The following TTC27 variants were observed in gnomAD, a reference collection of about 807,000 sequenced individuals.
TTC27 encodes the protein tetratricopeptide repeat domain 27.
TTC27 carries 79 observed loss-of-function variants against 115.9 expected under a neutral mutation model. The ratio of observed to expected loss-of-function variants is 0.68; its 90% confidence interval spans 0.57 to 0.82. The LOEUF (loss-of-function observed/expected upper bound fraction) is 0.82. Among genes scored for constraint, TTC27 ranks in the 40% least tolerant of loss-of-function variants. The pLI is 0.00. For synonymous variants in TTC27, 401 were observed against 356.0 expected (o/e 1.13, Z -1.42); for missense variants, 1,054 against 993.1 (o/e 1.06, Z -0.82).
intron 14 of TTC27, among the ~76,000 whole-genome samples, chr2:32,778,643 T>C (rs1670076187): frequency 6.6e-6 from 1 of 152,252 alleles, no homozygotes; most frequent in Non-Finnish European, 1.5e-5. Context: ...TTTTCAAGAT[T>C]CATGCATGGT....
At chr2:32,770,424 T>G (rs1237048051) in intron 13 of TTC27, among the ~76,000 whole-genome samples, 6 of 152,238 alleles carry the variant, frequency 3.9e-5, no homozygotes, top group Admixed American at 3.3e-4. Flanking sequence ...CTTCACAGTT[T>G]TGCCCTCGAG....
chr2:32,725,723 G>A (rs1372827941), intron 10 of TTC27, among the ~76,000 whole-genome samples: 1 of 152,160 alleles, frequency 6.6e-6, no homozygotes, highest in Non-Finnish European at 1.5e-5. Context: ...AGCTCCACTA[G>A]GCAGTGCCTC....
intron 12 of TTC27, among the ~76,000 whole-genome samples, chr2:32,745,054 C>CAAAAAAA (rs57044153): frequency 6.0e-5 from 3 of 49,882 alleles, no homozygotes; most frequent in African/African-American, 8.9e-5. Flanking sequence ...AACTCTGTCT[C>CAAAAAAA]AAAAAAAAAA....
At chr2:32,699,721 A>G (rs960647605) in intron 9 of TTC27, among the ~76,000 whole-genome samples, 5 of 152,194 alleles carry the variant, frequency 3.3e-5, no homozygotes, top group African/African-American at 9.7e-5. Flanking sequence ...TCAAGTCTTT[A>G]TATCTCCCAG....
At chr2:32,648,611 A>AT (rs1042540896) in intron 4 of TTC27, among the ~76,000 whole-genome samples, 189 of 151,422 alleles carry the variant, frequency 1.2e-3, no homozygotes, top group South Asian at 4.8e-3. Flanking sequence ...CCTTGTTTTT[A>AT]TTTTTTTTAA....
intron 10 of TTC27, among the ~76,000 whole-genome samples, chr2:32,732,813 T>G (rs1257154047): frequency 6.6e-6 from 1 of 152,144 alleles, no homozygotes; most frequent in Non-Finnish European, 1.5e-5. Flanking sequence ...ACATTGACTT[T>G]TCACTACCGT....
intron 15 of TTC27, among the ~76,000 whole-genome samples, chr2:32,786,030 C>T (rs1670336781): frequency 6.6e-6 from 1 of 152,064 alleles, no homozygotes; most frequent in Non-Finnish European, 1.5e-5. Context: ...TTCTTTGTCT[C>T]TTTCAGTATT....
rs1023605363 is a variant in TTC27, at chr2:32,787,032, A to T, written c.1881A>T (p.Glu627Asp). The T allele has an allele frequency of 1.2e-6, 2 of 1,614,132 alleles. No homozygotes were observed. Among genetic ancestry groups the T allele is most frequent in the Non-Finnish European group, 1.7e-6 (2 of 1,180,000 alleles). Residue 627 changes from glutamate to aspartate, a missense_variant, in exon 16 of 20, where the codon GAA becomes GAT. Glu to Asp is a conservative substitution (Grantham distance 45, BLOSUM62 2). Coordinates refer to ENST00000317907, the MANE Select transcript of TTC27 (RefSeq NM_017735.5). ...TLQEALKCNYEHWQIWENYIL... is the reference protein window; with the variant it reads ...TLQEALKCNYDHWQIWENYIL... ...AAGAAGCTCTCAAGTGTAACTATGAACACTGGCAGATTTGGGAAAACTACA... is the reference window on the plus strand; with the variant it reads ...AAGAAGCTCTCAAGTGTAACTATGATCACTGGCAGATTTGGGAAAACTACA...
At chr2:32,651,650 C>T (rs928847673) in intron 5 of TTC27, among the ~76,000 whole-genome samples, 17 of 152,104 alleles carry the variant, frequency 1.1e-4, no homozygotes, top group African/African-American at 3.6e-4. Context: ...CGGCGTCCTT[C>T]AAGAGTTTTT....
chr2:32,694,258 G>A (rs1244865410), intron 9 of TTC27, among the ~76,000 whole-genome samples: 1 of 152,124 alleles, frequency 6.6e-6, no homozygotes, highest in African/African-American at 2.4e-5. Context: ...TGTCCTTTGG[G>A]AGAAATAAAT....
At chr2:32,754,671 G>C (rs1669141683) in intron 12 of TTC27, among the ~76,000 whole-genome samples, 1 of 151,536 alleles carries the variant, frequency 6.6e-6, no homozygotes. Context: ...ACACCTCCCA[G>C]ACGGGGTCGT....
rs561119756 is a variant in TTC27, at chr2:32,752,003, G to C, written c.1453-6289G>C. Among the ~76,000 whole-genome samples the C allele has an allele frequency of 5.3e-5, 8 of 152,292 alleles. No homozygotes were observed. In the South Asian group the frequency reaches 1.7e-3, roughly 32 times the overall value. The stretch of plus-strand genomic sequence containing the variant: ...GGAACTGAAGTTTCAGGATCAGTCA[G>C]TCACTACTTAAGATCCATGCTAGTC... On this transcript the variant is annotated intron_variant, in intron 12 of 19. Transcript: ENST00000317907.
chr2:32,787,695 A>G (rs1670395837), intron 16 of TTC27, among the ~76,000 whole-genome samples: 1 of 152,162 alleles, frequency 6.6e-6, no homozygotes, highest in Admixed American at 6.5e-5. Flanking sequence ...TAAATAAAAA[A>G]GACCATTTTG....
intron 13 of TTC27, among the ~76,000 whole-genome samples, chr2:32,771,788 G>A (rs1669838600): frequency 6.6e-6 from 1 of 152,106 alleles, no homozygotes; most frequent in Non-Finnish European, 1.5e-5. Context: ...TGTCACTCTT[G>A]GATTTCACTT....
At chr2:32,712,277 T>C (rs1667605831) in intron 10 of TTC27, among the ~76,000 whole-genome samples, 1 of 152,192 alleles carries the variant, frequency 6.6e-6, no homozygotes. Context: ...AAACTCCAAG[T>C]CGAGGACAAT....
intron 10 of TTC27, among the ~76,000 whole-genome samples, chr2:32,705,783 A>T (rs1559214739): frequency 6.6e-6 from 1 of 152,018 alleles, no homozygotes; most frequent in Non-Finnish European, 1.5e-5. Context: ...AGAACTCCTG[A>T]CCTCCAGCAA....
At chr2:32,700,831 C>T (rs1272600551) in intron 9 of TTC27, among the ~76,000 whole-genome samples, 4 of 152,312 alleles carry the variant, frequency 2.6e-5, no homozygotes, top group East Asian at 1.9e-4. Flanking sequence ...TGAGCCATCA[C>T]GCCCTGCCTG....
intron 3 of TTC27, chr2:32,635,343 G>C (rs916958305): frequency 3.6e-4 from 55 of 153,974 alleles, no homozygotes; most frequent in African/African-American, 1.3e-3. Flanking sequence ...ATTGTATCCA[G>C]AACTCGTGCA....
chr2:32,630,377 G>C, intron 1 of TTC27, 146 bp from the exon 2 acceptor site: 1 of 536,986 alleles, frequency 1.9e-6, no homozygotes, highest in African/African-American at 1.9e-5. Flanking sequence ...AATTTACTGA[G>C]TGCCTTGTGA....
Sources: gnomAD v4.1 joint callset for allele counts (sites outside exome capture counted in the v4.1 genomes callset) on GRCh38, gnomAD v4.1.1 for gene constraint, MANE v1.5 for transcripts, NCBI Gene and HGNC (gene_info 2026-07-23, HGNC 2026-07-21) for gene names.